The following MAPKAP1 variants were observed in gnomAD, a reference collection of about 807,000 sequenced individuals.
The protein encoded by MAPKAP1 is MAPK associated protein 1.
A neutral mutation model predicts 65.7 loss-of-function variants in MAPKAP1; 20 were observed. The ratio of observed to expected loss-of-function variants is 0.30; its 90% CI spans 0.21 to 0.44. The LOEUF (loss-of-function observed/expected upper bound fraction) is 0.44. Among genes scored for constraint, MAPKAP1 ranks in the 20% least tolerant of loss-of-function variants. MAPKAP1 has a pLI of 1.00. For missense variants in MAPKAP1, 423 were observed against 648.0 expected, an observed-to-expected ratio of 0.65 and a Z score of 3.77; for synonymous variants, 222 against 244.3, an observed-to-expected ratio of 0.91 and a Z score of 0.85.
Position 125,543,139 on chromosome 9 carries a change from T to C in MAPKAP1, c.878A>G (p.Gln293Arg). The C allele has an allele frequency of 6.2e-7, 1 of 1,613,168 alleles. No individual in the cohort carries two copies. Among genetic ancestry groups the C allele is most frequent in the Non-Finnish European group, 8.5e-7 (1 of 1,179,050 alleles). Residue 293 changes from glutamine to arginine, a missense_variant, in exon 7 of 12, where the codon CAG (glutamine) becomes CGG (arginine). Around this residue, in one of 6 missense-constraint regions of MAPKAP1, gnomAD observed 98 missense variants for 200.5 expected, o/e 0.49. Transcript: ENST00000265960. The stretch of plus-strand genomic sequence containing the variant: ...CATGGTAACCTTTGTGTTGTCCACC[T>C]GAATAAGGGAGAATCCATGAGCAGC... Reference protein sequence around the residue: ...INAAHGFSLIQVDNTKVTMKE... With the variant: ...INAAHGFSLIRVDNTKVTMKE...
intron 9 of MAPKAP1, among the ~76,000 whole-genome samples, chr9:125,469,341 T>C (rs1299974102): frequency 2.0e-5 from 3 of 151,900 alleles, no homozygotes; most frequent in Non-Finnish European, 4.4e-5. Context: ...AAGAAACAGT[T>C]CAATTAACCT....
intron 1 of MAPKAP1, among the ~76,000 whole-genome samples, chr9:125,705,138 CAT>C (rs1356134959): frequency 6.6e-6 from 1 of 152,166 alleles, no homozygotes; most frequent in Non-Finnish European, 1.5e-5. Flanking sequence ...TTTTAACATT[CAT>C]ATGTTTTGTC....
intron 2 of MAPKAP1, among the ~76,000 whole-genome samples, chr9:125,670,268 C>T (rs896463156): frequency 6.6e-6 from 1 of 152,016 alleles, no homozygotes; most frequent in African/African-American, 2.4e-5. Context: ...GTGAATATTA[C>T]ATTACAGGAA....
chr9:125,542,054 A>ATC (rs557419183), intron 7 of MAPKAP1, among the ~76,000 whole-genome samples: 2,648 of 151,336 alleles, frequency 0.017, 35 homozygotes, highest in Non-Finnish European at 0.028. Flanking sequence ...CCCTACCAGC[A>ATC]TCTCTCTCTC....
In MAPKAP1 at chr9:125,565,555, T is replaced by C. The variant is rs16928299; in HGVS notation, c.672-5746A>G. ...TTGATGAAAGAATCAATATTAATAG[T>C]GTATTGGGCATTAGCAAGGGAAAAA... is the stretch of plus-strand genomic sequence containing the variant. On this transcript the variant is annotated intron_variant, in intron 5 of 11. Coordinates refer to ENST00000265960, the MANE Select transcript of MAPKAP1 (RefSeq NM_001006617.3). 115 of 246,134 alleles carry C rather than the reference T, an allele frequency of 4.7e-4. No individual in the cohort carries two copies. The East Asian group carries it at 0.012, about 25-fold the overall frequency. 15.2% of individuals were successfully genotyped at this position (246,134 alleles called of 1,614,324 possible). A position where few individuals can be genotyped will look rare whatever the true frequency, so the allele number is the denominator to read the frequency against.
At chr9:125,698,676 C>T (rs1215284000) in intron 1 of MAPKAP1, among the ~76,000 whole-genome samples, 2 of 151,960 alleles carry the variant, frequency 1.3e-5, no homozygotes, top group Non-Finnish European at 2.9e-5. Context: ...AATTACATTA[C>T]TTCTCTAAGC....
intron 7 of MAPKAP1, among the ~76,000 whole-genome samples, chr9:125,513,447 G>GA (rs1371403074): frequency 1.3e-5 from 2 of 152,192 alleles, no homozygotes; most frequent in African/African-American, 4.8e-5. Context: ...CTGGTAGCCA[G>GA]AAAAAAGCTA....
chr9:125,681,639 A>G (rs1234384108), intron 1 of MAPKAP1, among the ~76,000 whole-genome samples: 4 of 152,200 alleles, frequency 2.6e-5, no homozygotes. Context: ...GACACACCTG[A>G]AGGGCATGGG....
Position 125,483,136 on chromosome 9 carries a change from G to A in MAPKAP1, c.1207+1307C>T, listed in dbSNP as rs934930210. Among the ~76,000 whole-genome samples, 4 of 152,076 alleles carry A rather than the reference G, an allele frequency of 2.6e-5. No homozygotes were observed. In the East Asian group the frequency reaches 5.8e-4, roughly 22 times the overall value. On this transcript the variant is annotated intron_variant, in intron 9 of 11. Coordinates refer to ENST00000265960, the MANE Select transcript of MAPKAP1 (RefSeq NM_001006617.3). ...AGGGAAGTTTACAACTGCAGGCCCC[G>A]TACTCAGTGCTTTACATGTGGGATT...
intron 5 of MAPKAP1, among the ~76,000 whole-genome samples, chr9:125,566,465 G>A (rs758165952): frequency 3.3e-5 from 5 of 152,154 alleles, no homozygotes; most frequent in Non-Finnish European, 7.4e-5. Context: ...CTTAGGAGGT[G>A]AAGTGCGAGG....
At chr9:125,689,200 G>A (rs1295580645) in intron 1 of MAPKAP1, among the ~76,000 whole-genome samples, 1 of 152,108 alleles carries the variant, frequency 6.6e-6, no homozygotes, top group Non-Finnish European at 1.5e-5. Flanking sequence ...CACTTTGGGA[G>A]GCCGAGGTGG....
chr9:125,557,742 T>C (rs1340919512), intron 6 of MAPKAP1, among the ~76,000 whole-genome samples: 1 of 152,234 alleles, frequency 6.6e-6, no homozygotes, highest in Non-Finnish European at 1.5e-5. Flanking sequence ...ACATTTTAAT[T>C]ATTTGACAAC....
chr9:125,664,745 A>G (rs1415150388), intron 3 of MAPKAP1, among the ~76,000 whole-genome samples: 1 of 151,196 alleles, frequency 6.6e-6, no homozygotes, highest in African/African-American at 2.4e-5. Context: ...AAAAAAGGAA[A>G]AGAAAAAGAA....
chr9:125,470,600 C>T (rs1853872783), intron 9 of MAPKAP1, among the ~76,000 whole-genome samples: 1 of 152,174 alleles, frequency 6.6e-6, no homozygotes, highest in East Asian at 1.9e-4. Context: ...CATCCATTAC[C>T]AGCAGTATCT....
rs534956532 is a variant in MAPKAP1, at chr9:125,536,976, C to T, written c.958+6083G>A. On this transcript the variant is annotated intron_variant, in intron 7 of 11. Transcript: ENST00000265960. ...CAAAAAGAATTCCTGGCTTTATATC[C>T]AGAGTCACCACAGGGTTCCTTTAAA... Among the ~76,000 whole-genome samples the T allele has an allele frequency of 1.9e-4, 29 of 152,348 alleles. 1 individual carries two copies. The South Asian group carries it at 4.1e-3, about 22-fold the overall frequency.
At chr9:125,608,020 C>T (rs1832489527) in intron 4 of MAPKAP1, among the ~76,000 whole-genome samples, 1 of 152,164 alleles carries the variant, frequency 6.6e-6, no homozygotes, top group African/African-American at 2.4e-5. Flanking sequence ...CAGACAGGCA[C>T]CAGCAGGGAG....
At chr9:125,648,717 C>T (rs914379157) in intron 4 of MAPKAP1, among the ~76,000 whole-genome samples, 30 of 151,984 alleles carry the variant, frequency 2.0e-4, no homozygotes, top group Non-Finnish European at 2.2e-4. Flanking sequence ...CCGAGGCAGG[C>T]GGATTACCTG....
chr9:125,471,109 C>A (rs1050806942), intron 9 of MAPKAP1: 3 of 152,248 alleles, frequency 2.0e-5, no homozygotes, highest in Non-Finnish European at 4.4e-5. Context: ...TGAGTCTCAG[C>A]TTCTTAAGGC....
chr9:125,521,647 C>T, intron 7 of MAPKAP1: 1 of 1,536,036 alleles, frequency 6.5e-7, no homozygotes, highest in Non-Finnish European at 8.7e-7. Context: ...ACAGAATTTC[C>T]CGTGATGGCA....
Sources: allele counts gnomAD v4.1 joint callset (sites outside exome capture counted in the v4.1 genomes callset), GRCh38; gene constraint gnomAD v4.1.1; regional missense constraint gnomAD v4.1.1; transcripts MANE v1.5; gene names NCBI Gene and HGNC (gene_info 2026-07-23, HGNC 2026-07-21).